RAP1GAP: variants seen among roughly 807,000 people sequenced by gnomAD.
RAP1GAP encodes RAP1 GTPase activating protein.
In RAP1GAP, 35 loss-of-function variants were observed where a neutral mutation model predicts 87.2. The ratio of observed to expected loss-of-function variants is 0.40; its 90% CI spans 0.31 to 0.53. The LOEUF (loss-of-function observed/expected upper bound fraction) is 0.53. Ranked by LOEUF, RAP1GAP falls within the 20% of genes least tolerant of loss-of-function variation. The pLI, the probability that RAP1GAP is intolerant of heterozygous loss-of-function variation, is 0.48. For synonymous variants in RAP1GAP, 375 were observed against 363.9 expected, an observed-to-expected ratio of 1.03 and a Z score of -0.35; for missense variants, 734 against 898.9, an observed-to-expected ratio of 0.82 and a Z score of 2.35.
chr1:21,628,404 A>C (rs2092909012), intron 2 of RAP1GAP, among the ~76,000 whole-genome samples: 1 of 33,336 alleles, frequency 3.0e-5, no homozygotes, highest in Non-Finnish European at 1.2e-4. Flanking sequence ...CTCTACTAAA[A>C]AAAAAAAAAA....
At chr1:21,620,406 TCC>T (rs750225712) in intron 3 of RAP1GAP, among the ~76,000 whole-genome samples, 36 of 152,114 alleles carry the variant, frequency 2.4e-4, no homozygotes, top group Non-Finnish European at 4.4e-4. Context: ...TCTATGCTTC[TCC>T]CCACCTCTCC....
At chr1:21,644,638 G>A (rs754117975) in intron 2 of RAP1GAP, among the ~76,000 whole-genome samples, 1 of 152,114 alleles carries the variant, frequency 6.6e-6, no homozygotes, top group Non-Finnish European at 1.5e-5. Context: ...GGTGGCTCAC[G>A]TCTATAATCC....
rs1460769944 is a variant in RAP1GAP, at chr1:21,651,457, C to T, written c.-148-1661G>A. 10 of 599,454 alleles carry T rather than the reference C, an allele frequency of 1.7e-5. No individual in the cohort carries two copies. The East Asian group carries it at 3.6e-4, about 22-fold the overall frequency. The allele number at this position is 599,454 out of a possible 1,614,324, so 37.1% of individuals were successfully genotyped here. ...ACGCGCGCACACACAGGCGGAGTAGCCCCGCAGCCCCAGTCACATGCATAA... is the reference window on the plus strand; with the variant it reads ...ACGCGCGCACACACAGGCGGAGTAGTCCCGCAGCCCCAGTCACATGCATAA... On this transcript the variant is annotated intron_variant, in intron 1 of 24. Transcript: ENST00000374765.
intron 1 of RAP1GAP, among the ~76,000 whole-genome samples, chr1:21,660,321 G>C (rs2097071435): frequency 2.3e-5 from 1 of 43,602 alleles, no homozygotes; most frequent in African/African-American, 7.7e-5. Flanking sequence ...GGGCTGGACA[G>C]AGTGGGTTCC....
intron 1 of RAP1GAP, among the ~76,000 whole-genome samples, chr1:21,658,435 G>A (rs1358303725): frequency 1.3e-5 from 2 of 152,136 alleles, no homozygotes. Flanking sequence ...AGGTGTGGTG[G>A]CATGCGCCTG....
chr1:21,640,977 G>A (rs2095466846), intron 2 of RAP1GAP, among the ~76,000 whole-genome samples: 1 of 151,754 alleles, frequency 6.6e-6, no homozygotes, highest in South Asian at 2.1e-4. Flanking sequence ...GTGTGATCTC[G>A]GCTCATGGTA....
At chr1:21,657,418 G>A (rs1461965191) in intron 1 of RAP1GAP, among the ~76,000 whole-genome samples, 3 of 152,216 alleles carry the variant, frequency 2.0e-5, no homozygotes, top group Non-Finnish European at 4.4e-5. Context: ...AATATACACA[G>A]ACAGATGTGT....
chr1:21,666,965 T>C (rs528954171), intron 1 of RAP1GAP, among the ~76,000 whole-genome samples: 11 of 151,832 alleles, frequency 7.2e-5, no homozygotes, highest in Non-Finnish European at 1.3e-4. Context: ...TCAGTGCTTG[T>C]GTGTCAGGCA....
chr1:21,598,237 C>A, intron 22 of RAP1GAP, 163 bp downstream of exon 22: 1 of 769,514 alleles, frequency 1.3e-6, no homozygotes, highest in Non-Finnish European at 2.1e-6. Context: ...CCCTCCAATC[C>A]ACCCAGCCAC....
chr1:21,612,227 A>C, intron 10 of RAP1GAP, 118 bp from the exon 11 acceptor site: 1 of 796,566 alleles, frequency 1.3e-6, no homozygotes, highest in Non-Finnish European at 2.1e-6. Flanking sequence ...TGTGATTCTC[A>C]GAACAAGCCT....
chr1:21,609,094 C>T lies in RAP1GAP; in HGVS notation c.1072-158G>A, dbSNP rs2076605605. The stretch of plus-strand genomic sequence containing the variant: ...ACTCCCAAAAGGGTATCTCCCTGGG[C>T]TCAGCTCCCCAGGTACCTTCAAGGG... On this transcript the variant is annotated intron_variant, in intron 15 of 24. Coordinates refer to ENST00000374765, the MANE Select transcript of RAP1GAP (RefSeq NM_002885.4). This position sits in a 1 kb window ranked among gnomAD's most constrained non-coding sequence, Gnocchi z 4.4. Among the ~76,000 whole-genome samples, 1 of 152,156 alleles carries T rather than the reference C, an allele frequency of 6.6e-6. No homozygotes were observed. Among genetic ancestry groups the T allele is most frequent in the Non-Finnish European group, 1.5e-5 (1 of 68,018 alleles).
In RAP1GAP at chr1:21,609,107, G is replaced by C. The variant is rs2076610602; in HGVS notation, c.1072-171C>G. On this transcript the variant is annotated intron_variant, in intron 15 of 24. Coordinates refer to ENST00000374765, the MANE Select transcript of RAP1GAP (RefSeq NM_002885.4). This position sits in a 1 kb window ranked among gnomAD's most constrained non-coding sequence, Gnocchi z 4.4. ...TATCTCCCTGGGCTCAGCTCCCCAGGTACCTTCAAGGGGCCCCAGTGCCCT... is the reference window on the plus strand; with the variant it reads ...TATCTCCCTGGGCTCAGCTCCCCAGCTACCTTCAAGGGGCCCCAGTGCCCT... Among the ~76,000 whole-genome samples, 1 of 152,170 alleles carries C rather than the reference G, an allele frequency of 6.6e-6. No homozygotes were observed. Among genetic ancestry groups the C allele is most frequent in the Non-Finnish European group, 1.5e-5 (1 of 68,036 alleles).
At chr1:21,618,956 A>T (rs2084412318) in intron 5 of RAP1GAP, 69 bp downstream of exon 5, 1 of 1,450,918 alleles carries the variant, frequency 6.9e-7, no homozygotes, top group Admixed American at 1.9e-5. Flanking sequence ...CTTGATGGGC[A>T]GTGGTGGCAG....
Position 21,622,188 on chromosome 1 carries a change from G to A in RAP1GAP, c.-18-2138C>T. On this transcript the variant is annotated intron_variant, in intron 3 of 24. Coordinates refer to ENST00000374765, the MANE Select transcript of RAP1GAP (RefSeq NM_002885.4). The surrounding 1 kb of genome is among the most constrained non-coding windows in gnomAD (Gnocchi z 5.7). ...GGACCCCAGGGTAGGGGTGCGCCCCGTGGCCAGTGTCAGCCCAGAAGCTCA... is the reference window on the plus strand; with the variant it reads ...GGACCCCAGGGTAGGGGTGCGCCCCATGGCCAGTGTCAGCCCAGAAGCTCA... 1 of 308,440 alleles carries A rather than the reference G, an allele frequency of 3.2e-6. No individual in the cohort carries two copies. The highest frequency in any genetic ancestry group is 6.0e-6 in the Non-Finnish European group (1 of 165,772). 19.1% of individuals were successfully genotyped at this position (308,440 alleles called of 1,614,324 possible).
At chr1:21,643,093 CAGA>C (rs987944239) in intron 2 of RAP1GAP, among the ~76,000 whole-genome samples, 34 of 128,786 alleles carry the variant, frequency 2.6e-4, no homozygotes, top group African/African-American at 9.2e-4. Flanking sequence ...ACTCTGAACC[CAGA>C]AGAAGTGGCC....
At chr1:21,612,384 T>C (rs1235833116) in intron 10 of RAP1GAP, among the ~76,000 whole-genome samples, 2 of 152,144 alleles carry the variant, frequency 1.3e-5, no homozygotes, top group Non-Finnish European at 2.9e-5. Flanking sequence ...TCATCGCTCC[T>C]GAGTTTTGCT....
chr1:21,661,741 G>A (rs2097161697), intron 1 of RAP1GAP, among the ~76,000 whole-genome samples: 1 of 152,224 alleles, frequency 6.6e-6, no homozygotes, highest in South Asian at 2.1e-4. Context: ...ACTATTACTG[G>A]ACACGTGCAA....
Position 21,602,853 on chromosome 1 carries a change from G to A in RAP1GAP, c.1489C>T (p.Arg497Cys), listed in dbSNP as rs2070013446. The A allele has an allele frequency of 3.1e-6, 5 of 1,609,750 alleles. No homozygotes were observed. The highest frequency in any genetic ancestry group is 2.7e-5 in the African/African-American group (2 of 74,922). Residue 497 changes from arginine (R) to cysteine (C), a missense_variant, in exon 19 of 25, where the codon CGC becomes TGC. Arg to Cys is a radical substitution (Grantham distance 180). Around this residue, in one of 2 missense-constraint regions of RAP1GAP, gnomAD observed 249 missense variants for 252.7 expected, o/e 0.99. Transcript: ENST00000374765. ...TTCTCGATGCCAATGGCGCTGCTGC[G>A]GCGGGAGCCGAACGGGCCCGACTTC... is the stretch of plus-strand genomic sequence containing the variant. The part of the protein sequence containing the change: ...RKKSGPFGSR[R>C]SSAIGIENIQ...
chr1:21,606,910 G>A (rs1247734148), intron 17 of RAP1GAP, among the ~76,000 whole-genome samples: 2 of 152,178 alleles, frequency 1.3e-5, no homozygotes, highest in Non-Finnish European at 2.9e-5. Flanking sequence ...CCTACCAGAT[G>A]TGGGACCATC....
Sources: gnomAD v4.1 joint callset for allele counts (sites outside exome capture counted in the v4.1 genomes callset) on GRCh38, gnomAD v4.1.1 for gene constraint, gnomAD v4.1.1 regional missense constraint, Gnocchi (gnomAD v3.1) non-coding constraint, MANE v1.5 for transcripts, NCBI Gene and HGNC (gene_info 2026-07-23, HGNC 2026-07-21) for gene names.